Variants in RALB observed in about 807,000 individuals in gnomAD.
RALB encodes the protein ras-related protein Ral-B.
A neutral mutation model predicts 21.3 loss-of-function variants in RALB; 16 were observed. The ratio of observed to expected loss-of-function variants is 0.75; its 90% CI spans 0.51 to 1.14. RALB has a LOEUF of 1.14. RALB is among the 50% of genes most tolerant of loss of function. The pLI, the probability that RALB is intolerant of heterozygous loss-of-function variation, is 0.00. For missense variants in RALB, 161 were observed against 256.2 expected (o/e 0.63, Z 2.54); for synonymous variants, 93 against 96.1 (o/e 0.97, Z 0.19).
chr2:120,278,581 C>G (rs745749567), intron 1 of RALB, 37 bp from the exon 2 acceptor site: 46 of 1,390,476 alleles, frequency 3.3e-5, no homozygotes, highest in Admixed American at 9.2e-5. Context: ...AGGTTGAAAG[C>G]AAATCGCCTC....
intron 1 of RALB, among the ~76,000 whole-genome samples, chr2:120,276,964 T>C (rs1353488512): frequency 6.6e-6 from 1 of 152,190 alleles, no homozygotes; most frequent in Non-Finnish European, 1.5e-5. Context: ...ATATGTGAAA[T>C]AGATTTTTCC....
At chr2:120,278,503 C>T in intron 1 of RALB, 115 bp from the exon 2 acceptor site, 1 of 1,045,470 alleles carries the variant, frequency 9.6e-7, no homozygotes, top group Non-Finnish European at 1.3e-6. Context: ...GAAAGGATTA[C>T]TTTCCTGTTG....
intron 1 of RALB, among the ~76,000 whole-genome samples, chr2:120,260,945 C>G (rs1245916244): frequency 2.0e-5 from 3 of 152,148 alleles, no homozygotes; most frequent in Non-Finnish European, 4.4e-5. Context: ...GGGAAGGAAA[C>G]AAAGGCTTTT....
intron 1 of RALB, among the ~76,000 whole-genome samples, chr2:120,255,857 A>C (rs1384210187): frequency 6.6e-6 from 1 of 152,218 alleles, no homozygotes; most frequent in African/African-American, 2.4e-5. Flanking sequence ...ATTGATAATT[A>C]CCAATATATT....
upstream of RALB, chr2:120,252,827 C>T: frequency 1.0e-6 from 1 of 985,628 alleles, no homozygotes; most frequent in Non-Finnish European, 1.2e-6. Context: ...GCCTAGGCGA[C>T]GCCGGAGGCG....
At chr2:120,277,852 CAT>C (rs1203369019) in intron 1 of RALB, among the ~76,000 whole-genome samples, 25 of 145,760 alleles carry the variant, frequency 1.7e-4, no homozygotes, top group Admixed American at 9.6e-4. Flanking sequence ...AATGTGAGAA[CAT>C]GAGCATGTGT....
At chr2:120,287,524 C>T (rs753474734) in intron 3 of RALB, among the ~76,000 whole-genome samples, 7 of 152,250 alleles carry the variant, frequency 4.6e-5, no homozygotes, top group Non-Finnish European at 8.8e-5. Context: ...AGGACAGATG[C>T]ACACACTCTC....
At chr2:120,270,998 C>T (rs765184883) in intron 1 of RALB, among the ~76,000 whole-genome samples, 18 of 152,108 alleles carry the variant, frequency 1.2e-4, no homozygotes, top group Non-Finnish European at 2.4e-4. Flanking sequence ...CTTCTGTTGC[C>T]GTAATACTCA....
chr2:120,274,985 C>A (rs554509310), intron 1 of RALB, among the ~76,000 whole-genome samples: 1 of 152,326 alleles, frequency 6.6e-6, no homozygotes, highest in Admixed American at 6.5e-5. Flanking sequence ...CTTGTTCCCC[C>A]AGAGAGGTTT....
upstream of RALB, among the ~76,000 whole-genome samples, chr2:120,249,124 TC>T (rs1355670405): frequency 2.0e-5 from 3 of 151,114 alleles, no homozygotes; most frequent in Admixed American, 2.0e-4. Flanking sequence ...AACTTCTGCC[TC>T]CTGGGTTCAA....
At chr2:120,244,753 G>T (rs1688944196) in intron 1 of RALB, among the ~76,000 whole-genome samples, 1 of 152,192 alleles carries the variant, frequency 6.6e-6, no homozygotes, top group Non-Finnish European at 1.5e-5. Flanking sequence ...GGGATGAAAA[G>T]AATTCACAGA....
rs1690368581 is a variant in RALB, at chr2:120,294,109, C to G, written c.*849C>G. Reference sequence around the variant, plus strand: ...CTCTGGTTAGGCCCCTCCCTCTCCACTAGTGGTGAATGCATGTGTCTGTCT... The same window carrying G: ...CTCTGGTTAGGCCCCTCCCTCTCCAGTAGTGGTGAATGCATGTGTCTGTCT... On this transcript the variant is annotated 3_prime_UTR_variant, in exon 5 of 5. Transcript: ENST00000272519. 2 of 398,506 alleles carry G rather than the reference C, an allele frequency of 5.0e-6. No homozygotes were observed. The highest frequency in any genetic ancestry group is 2.5e-4 in the South Asian group (2 of 7,860). The allele number at this position is 398,506 out of a possible 1,614,324, so 24.7% of individuals were successfully genotyped here.
chr2:120,277,820 AGT>A (rs899440405), intron 1 of RALB, among the ~76,000 whole-genome samples: 1 of 144,558 alleles, frequency 6.9e-6, no homozygotes, highest in Non-Finnish European at 1.5e-5. Context: ...TGTGAGAGCA[AGT>A]GTGTGAATAT....
intron 1 of RALB, among the ~76,000 whole-genome samples, chr2:120,276,383 A>G (rs184713370): frequency 6.6e-6 from 1 of 152,098 alleles, no homozygotes; most frequent in Admixed American, 6.6e-5. Flanking sequence ...GGGGTGGATC[A>G]CTTGAGATCA....
At chr2:120,253,133 C>T (rs907520420) in intron 1 of RALB, among the ~76,000 whole-genome samples, 153 bp downstream of exon 1, 15 of 152,122 alleles carry the variant, frequency 9.9e-5, no homozygotes, top group African/African-American at 2.9e-4. Flanking sequence ...CGGAGGGCGA[C>T]GCCCCGGCAG....
In RALB at chr2:120,292,848, C is replaced by T. The variant is rs187697805; in HGVS notation, c.502-293C>T. On this transcript the variant is annotated intron_variant, in intron 4 of 4. Transcript: ENST00000272519. Reference sequence around the variant, plus strand: ...GACAGTACGATGATTCTGTCCTTGGCTTGAGCAGTTGTGTGATACGAGCAG... The same window carrying T: ...GACAGTACGATGATTCTGTCCTTGGTTTGAGCAGTTGTGTGATACGAGCAG... Among the ~76,000 whole-genome samples, 134 of 150,952 alleles carry T rather than the reference C, an allele frequency of 8.9e-4. 5 individuals are homozygous for T. The East Asian group carries it at 0.024, about 27-fold the overall frequency.
Position 120,293,121 on chromosome 2 carries a change from TC to T in RALB, c.502-19del. ...GCTCTTTCTTCACTATTCTTTTTAC[TC>T]TTTACTCCTCACCCCCAGGTGTTCT... On this transcript the variant is annotated intron_variant, in intron 4 of 4. Transcript: ENST00000272519. 1.3e-6 allele frequency: 2 copies of T among 1,577,676 alleles called. No homozygotes were observed. The highest frequency in any genetic ancestry group is 1.7e-6 in the Non-Finnish European group (2 of 1,167,652).
rs780177402 is a variant in RALB at position 120,278,713 on chromosome 2, G to A, written c.49G>A (p.Val17Met). 1.9e-6 allele frequency: 3 copies of A among 1,596,368 alleles called. No homozygotes were observed. The highest frequency in any genetic ancestry group is 3.5e-5 in the Admixed American group (2 of 57,510). Residue 17 changes from valine to methionine, a missense_variant, in exon 2 of 5, where the codon GTG becomes ATG. Transcript: ENST00000272519. ...KGQSSLALHK[V>M]IMVGSGGVGK... Reference sequence around the variant, plus strand: ...CCAGAGCTCCTTGGCCCTCCACAAGGTGATCATGGTTGGCAGCGGAGGCGT... The same window carrying A: ...CCAGAGCTCCTTGGCCCTCCACAAGATGATCATGGTTGGCAGCGGAGGCGT...
chr2:120,260,845 C>T (rs529389374), intron 1 of RALB, among the ~76,000 whole-genome samples: 9 of 152,280 alleles, frequency 5.9e-5, no homozygotes, highest in East Asian at 1.9e-4. Flanking sequence ...GAGCTAGCTA[C>T]GTGGAGTTTG....
Sources: allele counts gnomAD v4.1 joint callset (sites outside exome capture counted in the v4.1 genomes callset), GRCh38; gene constraint gnomAD v4.1.1; transcripts MANE v1.5; gene names NCBI Gene and HGNC (gene_info 2026-07-23, HGNC 2026-07-21).